The following IREB2 variants were observed in gnomAD, a reference collection of about 807,000 sequenced individuals.
IREB2 encodes iron responsive element binding protein 2, also known as iron-responsive element-binding protein 2.
A neutral mutation model predicts 118.8 loss-of-function variants in IREB2; 39 were observed. That is an observed-to-expected ratio of 0.33 (90% confidence interval 0.25 to 0.43). The LOEUF (loss-of-function observed/expected upper bound fraction) is 0.43, where lower values mean the gene tolerates loss of function less well. Among genes scored for constraint, IREB2 ranks in the 20% least tolerant of loss-of-function variants. The probability of loss-of-function intolerance (pLI) is 1.00; values close to 1 mark genes in which losing one functional copy is unlikely to be tolerated. For missense variants in IREB2, 900 were observed against 1,147.3 expected, an observed-to-expected ratio of 0.78 and a Z score of 3.11; for synonymous variants, 372 against 392.2, an observed-to-expected ratio of 0.95 and a Z score of 0.61.
chr15:78,490,900 C>T (rs750065271), intron 18 of IREB2, 139 bp downstream of exon 18: 173 of 683,686 alleles, frequency 2.5e-4, no homozygotes, highest in Non-Finnish European at 3.0e-4. Context: ...TTGTCTTAAG[C>T]AAGAATGGAG....
chr15:78,483,373 C>T lies in IREB2; in HGVS notation c.1352C>T (p.Pro451Leu), dbSNP rs2051607921. The T allele has an allele frequency of 2.5e-6, 4 of 1,609,170 alleles. No homozygotes were observed. Among genetic ancestry groups the T allele is most frequent in the Non-Finnish European group, 2.6e-6 (3 of 1,175,710 alleles). The part of the protein sequence containing the change: ...IVPSVSGPKR[P>L]QDRVAVTDMK... ...CCATCTGTTAGTGGTCCAAAAAGAC[C>T]TCAGGATAGAGTTGCTGTGACAGAT... Residue 451 changes from proline (P) to leucine (L), a missense_variant, in exon 11 of 22, where the codon CCT becomes CTT. Transcript: ENST00000258886.
chr15:78,455,721 G>T (rs189730391), intron 2 of IREB2, among the ~76,000 whole-genome samples: 1 of 152,344 alleles, frequency 6.6e-6, no homozygotes, highest in African/African-American at 2.4e-5. Context: ...AAGCACCTCT[G>T]CATCTGCCCC....
At chr15:78,484,217 C>CT (rs1223472216) in intron 11 of IREB2, among the ~76,000 whole-genome samples, 1 of 152,108 alleles carries the variant, frequency 6.6e-6, no homozygotes, top group Non-Finnish European at 1.5e-5. Flanking sequence ...TAGTACTTGG[C>CT]TTTCCTTTCA....
rs761148203 is a variant in IREB2, at chr15:78,497,100, G to A, written c.2596-26G>A. On this transcript the variant is annotated intron_variant, in intron 20 of 21. Coordinates refer to ENST00000258886, the MANE Select transcript of IREB2 (RefSeq NM_004136.4). ...TAAATAACTTTCAGAAGTGATTAGA[G>A]GGAATAAAATGCACATTTATTACAG... 28 of 1,576,420 alleles carry A rather than the reference G, an allele frequency of 1.8e-5. No homozygotes were observed. The African/African-American group carries it at 3.6e-4, about 20-fold the overall frequency.
At chr15:78,473,664 A>G in intron 8 of IREB2, 1 of 310,226 alleles carries the variant, frequency 3.2e-6, no homozygotes, top group East Asian at 7.5e-5. Flanking sequence ...CTCTGAGAAA[A>G]CTAAGGTACA....
chr15:78,472,681 A>G (rs2051399826), intron 7 of IREB2, among the ~76,000 whole-genome samples: 1 of 152,076 alleles, frequency 6.6e-6, no homozygotes, highest in Non-Finnish European at 1.5e-5. Flanking sequence ...ATGCTCTTTT[A>G]TATGCCATGA....
At position 78,450,959 on chromosome 15, in the gene IREB2, A is replaced by T. The variant is rs184695005; in HGVS notation, c.106+11078A>T. Among the ~76,000 whole-genome samples, 29 of 151,886 alleles carry T rather than the reference A, an allele frequency of 1.9e-4. No individual in the cohort carries two copies. The East Asian group carries it at 5.4e-3, about 28-fold the overall frequency. ...TTATTTCTCAAAGACCAATAATGTAATGAGCAGACTGTAGAAGCTTATTTC... is the reference window on the plus strand; with the variant it reads ...TTATTTCTCAAAGACCAATAATGTATTGAGCAGACTGTAGAAGCTTATTTC... On this transcript the variant is annotated intron_variant, in intron 2 of 21. Transcript: ENST00000258886.
intron 2 of IREB2, among the ~76,000 whole-genome samples, chr15:78,451,857 T>G (rs1325306744): frequency 1.3e-5 from 2 of 152,116 alleles, no homozygotes; most frequent in African/African-American, 2.4e-5. Flanking sequence ...CCAACAGGGT[T>G]TCACCATGTT....
At chr15:78,466,001 A>G (rs866423669) in intron 4 of IREB2, among the ~76,000 whole-genome samples, 2 of 152,234 alleles carry the variant, frequency 1.3e-5, no homozygotes, top group South Asian at 4.1e-4. Flanking sequence ...AGTACTTGCT[A>G]AAAGTTATTT....
intron 18 of IREB2, 55 bp from the exon 19 acceptor site, chr15:78,493,854 G>T (rs2051793710): frequency 6.5e-7 from 1 of 1,544,738 alleles, no homozygotes. Context: ...CAGCTCAATA[G>T]TATGTGATTA....
At chr15:78,457,630 C>G (rs1397606429) in intron 2 of IREB2, among the ~76,000 whole-genome samples, 1 of 152,054 alleles carries the variant, frequency 6.6e-6, no homozygotes, top group East Asian at 1.9e-4. Flanking sequence ...TTGCCTTTCC[C>G]CCATGTAGAC....
chr15:78,483,534 T>C lies in IREB2; in HGVS notation c.1413+100T>C. 1.3e-5 allele frequency: 9 copies of C among 707,494 alleles called. No homozygotes were observed. The South Asian group carries it at 1.5e-4, about 12-fold the overall frequency. The allele number at this position is 707,494 out of a possible 1,614,324, so 43.8% of individuals were successfully genotyped here. On this transcript the variant is annotated intron_variant, in intron 11 of 21. Transcript: ENST00000258886. ...ATAAACTCAATTCACTGCTATGTTT[T>C]ATATATTATGGCACACACCAGCAGC...
rs777216657 is a variant in IREB2 at position 78,439,892 on chromosome 15, T to G, written c.106+11T>G. On this transcript the variant is annotated intron_variant, in intron 2 of 21. Coordinates refer to ENST00000258886, the MANE Select transcript of IREB2 (RefSeq NM_004136.4). ...TTGGCACCAAGTATGGTAATGTTGC[T>G]TTACATTTTCTTGGGTTTGTTTAGT... The G allele has an allele frequency of 5.9e-6, 9 of 1,523,918 alleles. No homozygotes were observed. The Admixed American group carries it at 1.2e-4, about 21-fold the overall frequency. 94.4% of individuals were successfully genotyped at this position (1,523,918 alleles called of 1,614,324 possible). A position where few individuals can be genotyped will look rare whatever the true frequency, so the allele number is the denominator to read the frequency against.
chr15:78,490,885 T>C lies in IREB2; in HGVS notation c.2324+124T>C. The C allele has an allele frequency of 3.4e-6, 3 of 880,090 alleles. No individual in the cohort carries two copies. In the South Asian group the frequency reaches 5.6e-5, roughly 16 times the overall value. 54.5% of individuals were successfully genotyped at this position (880,090 alleles called of 1,614,324 possible). On this transcript the variant is annotated intron_variant, in intron 18 of 21. Coordinates refer to ENST00000258886, the MANE Select transcript of IREB2 (RefSeq NM_004136.4). ...CTATCGTAGGTAATCTGACTGCCAA[T>C]GTGTTTGTCTTAAGCAAGAATGGAG...
At chr15:78,483,919 G>A (rs1338844121) in intron 11 of IREB2, among the ~76,000 whole-genome samples, 1 of 151,786 alleles carries the variant, frequency 6.6e-6, no homozygotes, top group Non-Finnish European at 1.5e-5. Context: ...AAAGTAGTTG[G>A]AATTACAGGA....
In IREB2 at chr15:78,465,331, C is replaced by T; in HGVS notation, c.353C>T (p.Pro118Leu). ...GGAGGTGATCCTGAGAAAGTCCATC[C>T]TGCTTGTCCGACAGATCTTACAGTT... ...TLGGDPEKVH[P>L]ACPTDLTVDH... is the part of the protein sequence containing the mutation. The change falls in exon 4 of 22, where the codon CCT (proline) becomes CTT (leucine). Residue 118 changes from proline (P) to leucine (L), a missense_variant. Transcript: ENST00000258886. 6.2e-7 allele frequency: 1 copy of T among 1,613,714 alleles called. No individual in the cohort carries two copies. The highest frequency in any genetic ancestry group is 8.5e-7 in the Non-Finnish European group (1 of 1,179,806).
intron 2 of IREB2, among the ~76,000 whole-genome samples, chr15:78,460,836 T>A (rs2051184674): frequency 6.6e-6 from 1 of 152,128 alleles, no homozygotes; most frequent in African/African-American, 2.4e-5. Context: ...TTCCAGATTT[T>A]AAAAATAAGC....
At chr15:78,488,830 A>G (rs2051703963) in intron 16 of IREB2, 59 bp downstream of exon 16, 1 of 1,010,676 alleles carries the variant, frequency 9.9e-7, no homozygotes, top group East Asian at 2.6e-5. Flanking sequence ...CTTTTATTTC[A>G]TATATCTTCT....
rs770391806 is a variant in IREB2, at chr15:78,473,337, A to T, written c.979A>T (p.Asn327Tyr). Residue 327 changes from asparagine (N) to tyrosine (Y), a missense_variant, in exon 8 of 22, where the codon AAC becomes TAC. Physicochemically the swap from Asn to Tyr is moderately radical, Grantham distance 143. Transcript: ENST00000258886. ...VVGCELTGSS[N>Y]PFVTSIDVVL... ...TGGATGTGAGTTAACTGGGTCATCA[A>T]ACCCTTTTGTTACATCCATAGATGT... is the stretch of plus-strand genomic sequence containing the variant. The T allele has an allele frequency of 1.2e-6, 2 of 1,613,848 alleles. No homozygotes were observed. The highest frequency in any genetic ancestry group is 8.5e-7 in the Non-Finnish European group (1 of 1,179,852).
Sources: allele counts gnomAD v4.1 joint callset (sites outside exome capture counted in the v4.1 genomes callset), GRCh38; gene constraint gnomAD v4.1.1; transcripts MANE v1.5; gene names NCBI Gene and HGNC (gene_info 2026-07-23, HGNC 2026-07-21).